FNDC3B: variants seen among roughly 807,000 people sequenced by gnomAD.
FNDC3B encodes fibronectin type III domain-containing protein 3B.
A neutral mutation model predicts 151.5 loss-of-function variants in FNDC3B; 12 were observed. The ratio of observed to expected loss-of-function variants is 0.08; its 90% CI spans 0.05 to 0.13. The LOEUF is 0.13. Among genes scored for constraint, FNDC3B ranks in the 10% least tolerant of loss-of-function variants. The probability of loss-of-function intolerance (pLI) is 1.00; values close to 1 mark genes in which losing one functional copy is unlikely to be tolerated. For missense variants in FNDC3B, 1,214 were observed against 1,505.3 expected, an observed-to-expected ratio of 0.81 and a Z score of 3.20; for synonymous variants, 528 against 549.0, an observed-to-expected ratio of 0.96 and a Z score of 0.54.
At chr3:172,198,718 A>G (rs1487125242) in intron 3 of FNDC3B, among the ~76,000 whole-genome samples, 1 of 152,192 alleles carries the variant, frequency 6.6e-6, no homozygotes, top group African/African-American at 2.4e-5. Context: ...TCCCACATCT[A>G]GACATCTTCC....
At chr3:172,047,436 A>G (rs1391022516) in intron 1 of FNDC3B, among the ~76,000 whole-genome samples, 1 of 152,224 alleles carries the variant, frequency 6.6e-6, no homozygotes, top group Non-Finnish European at 1.5e-5. Context: ...TTTACTGTAA[A>G]TATCAAGTTT....
intron 2 of FNDC3B, among the ~76,000 whole-genome samples, chr3:172,117,500 A>G (rs1720321871): frequency 6.6e-6 from 1 of 152,250 alleles, no homozygotes; most frequent in Admixed American, 6.5e-5. Flanking sequence ...TATTGATTTA[A>G]TATTTTAATA....
intron 3 of FNDC3B, among the ~76,000 whole-genome samples, chr3:172,220,916 T>C (rs952545632): frequency 1.6e-5 from 2 of 124,822 alleles, no homozygotes; most frequent in African/African-American, 6.4e-5. Context: ...ATAGTGAGAC[T>C]CTGGCTCTAT....
intron 3 of FNDC3B, among the ~76,000 whole-genome samples, chr3:172,206,463 A>T (rs576986249): frequency 2.7e-4 from 41 of 152,270 alleles, no homozygotes; most frequent in South Asian, 8.3e-4. Flanking sequence ...GTTTGAGACC[A>T]GCTTGGCCCA....
intron 3 of FNDC3B, among the ~76,000 whole-genome samples, chr3:172,177,360 G>A (rs938981522): frequency 6.6e-6 from 1 of 152,134 alleles, no homozygotes; most frequent in Non-Finnish European, 1.5e-5. Context: ...CATTACGTTA[G>A]AGCTGCTTAG....
intron 23 of FNDC3B, among the ~76,000 whole-genome samples, chr3:172,366,432 A>C (rs965477756): frequency 6.6e-6 from 1 of 151,982 alleles, no homozygotes; most frequent in Non-Finnish European, 1.5e-5. Context: ...AAAGGGAAAT[A>C]TTTTCTAGAA....
At chr3:172,198,762 C>T (rs1219259918) in intron 3 of FNDC3B, among the ~76,000 whole-genome samples, 1 of 152,196 alleles carries the variant, frequency 6.6e-6, no homozygotes, top group East Asian at 1.9e-4. Flanking sequence ...ATCAAGCTGA[C>T]CCCCTAAGCC....
rs998958631 is a variant in FNDC3B at position 172,318,679 on chromosome 3, T to A, written c.1254+7798T>A. On this transcript the variant is annotated intron_variant, in intron 11 of 25. Coordinates refer to ENST00000415807, the MANE Select transcript of FNDC3B (RefSeq NM_022763.4). ...TGCCACACTGCCTTAGGGTGGACAGTGTGTTGGTTGGTTTCATGACAAAAG... is the reference window on the plus strand; with the variant it reads ...TGCCACACTGCCTTAGGGTGGACAGAGTGTTGGTTGGTTTCATGACAAAAG... Among the ~76,000 whole-genome samples, 11 of 152,066 alleles carry A rather than the reference T, an allele frequency of 7.2e-5. 1 individual carries two copies. Among genetic ancestry groups the A allele is most frequent in the African/African-American group, 2.7e-4 (11 of 41,396 alleles).
At chr3:172,388,489 G>C (rs759683576) in intron 25 of FNDC3B, among the ~76,000 whole-genome samples, 2 of 152,170 alleles carry the variant, frequency 1.3e-5, no homozygotes. Context: ...ATGGAGCCAT[G>C]CCGTTTAAAT....
intron 7 of FNDC3B, among the ~76,000 whole-genome samples, chr3:172,294,951 G>A (rs1480737258): frequency 3.9e-5 from 6 of 152,152 alleles, no homozygotes; most frequent in East Asian, 1.9e-4. Context: ...GGACTTCAGC[G>A]GGTATTGTTG....
intron 4 of FNDC3B, among the ~76,000 whole-genome samples, chr3:172,239,374 C>T (rs1449380756): frequency 2.0e-5 from 3 of 152,160 alleles, no homozygotes; most frequent in Admixed American, 1.3e-4. Flanking sequence ...CCTGGAATGA[C>T]CTGGGATCCC....
At chr3:172,107,470 G>T (rs1719716709) in intron 1 of FNDC3B, among the ~76,000 whole-genome samples, 1 of 152,146 alleles carries the variant, frequency 6.6e-6, no homozygotes, top group Non-Finnish European at 1.5e-5. Context: ...TCCGTGGTGT[G>T]TTGGGGGACA....
At chr3:172,394,106 TAAAAAA>T (rs60559371) in intron 25 of FNDC3B, among the ~76,000 whole-genome samples, 48 of 16,646 alleles carry the variant, frequency 2.9e-3, no homozygotes, top group Non-Finnish European at 4.5e-3. Context: ...AGACTCCTTC[TAAAAAA>T]AAAAAAAAAA....
chr3:172,283,928 A>G (rs1729871339), intron 6 of FNDC3B, among the ~76,000 whole-genome samples: 1 of 151,780 alleles, frequency 6.6e-6, no homozygotes. Flanking sequence ...TTAAAAGGCT[A>G]CAGTTTTCAA....
chr3:172,089,994 A>C (rs1014526177), intron 1 of FNDC3B, among the ~76,000 whole-genome samples: 1 of 152,216 alleles, frequency 6.6e-6, no homozygotes, highest in Non-Finnish European at 1.5e-5. Context: ...GATGGCTGTT[A>C]TATGAGTTGA....
At chr3:172,335,268 A>G (rs1021153247) in intron 15 of FNDC3B, 186 bp downstream of exon 15, 2 of 468,640 alleles carry the variant, frequency 4.3e-6, no homozygotes, top group Non-Finnish European at 7.3e-6. Flanking sequence ...GGACAATTTC[A>G]TTAAAATGTA....
intron 7 of FNDC3B, among the ~76,000 whole-genome samples, chr3:172,288,474 A>G (rs1045190198): frequency 1.3e-5 from 2 of 152,248 alleles, no homozygotes; most frequent in African/African-American, 4.8e-5. Context: ...TAACATTTCC[A>G]TATCAGCGTG....
intron 3 of FNDC3B, among the ~76,000 whole-genome samples, chr3:172,188,792 G>A (rs907919544): frequency 7.2e-5 from 11 of 152,124 alleles, no homozygotes; most frequent in African/African-American, 2.7e-4. Flanking sequence ...TCCCGCCTTT[G>A]TTTTGGATTC....
At chr3:172,108,972 T>C (rs188224330) in intron 1 of FNDC3B, among the ~76,000 whole-genome samples, 1 of 152,350 alleles carries the variant, frequency 6.6e-6, no homozygotes, top group African/African-American at 2.4e-5. Flanking sequence ...TTCATTTCTT[T>C]GTATGTCTCT....
Sources: gnomAD v4.1 joint callset for allele counts (sites outside exome capture counted in the v4.1 genomes callset) on GRCh38, gnomAD v4.1.1 for gene constraint, MANE v1.5 for transcripts, NCBI Gene and HGNC (gene_info 2026-07-23, HGNC 2026-07-21) for gene names.